Variants in AJM1 observed in about 807,000 individuals in gnomAD.
AJM1 encodes apical junction component 1 homolog.
Under a neutral mutation model 43.0 loss-of-function variants are expected in AJM1, and 22 were observed. The ratio of observed to expected loss-of-function variants is 0.51; its 90% CI spans 0.37 to 0.73. AJM1 has a LOEUF of 0.73. Among genes scored for constraint, AJM1 ranks in the 30% least tolerant of loss-of-function variants. The pLI is 0.00. For synonymous variants in AJM1, 719 were observed against 638.3 expected, an observed-to-expected ratio of 1.13 and a Z score of -1.91; for missense variants, 1,305 against 1,343.3, an observed-to-expected ratio of 0.97 and a Z score of 0.45.
At position 136,847,333 on chromosome 9, in the gene AJM1, C is replaced by A. The variant is rs1314504823; in HGVS notation, c.2919C>A (p.Asp973Glu). The A allele has an allele frequency of 5.9e-6, 9 of 1,521,498 alleles. No homozygotes were observed. Among genetic ancestry groups the A allele is most frequent in the Non-Finnish European group, 6.2e-6 (7 of 1,137,962 alleles). 94.2% of individuals were successfully genotyped at this position (1,521,498 alleles called of 1,614,324 possible). The change falls in exon 3 of 3, where the codon GAC becomes GAA. Residue 973 changes from aspartate (D) to glutamate (E), a missense_variant. Physicochemically the swap from Asp to Glu is conservative, Grantham distance 45. Coordinates refer to ENST00000436881, the MANE Select transcript of AJM1 (RefSeq NM_001080482.5). ...LDWVASANLL[D>E]DIM ...GGGTGGCCAGCGCCAACCTGCTGGA[C>A]GACATCATGTGAGGCGCCGGGCCCA...
rs759485182 is a variant in AJM1 at position 136,844,502 on chromosome 9, T to A, written c.88T>A (p.Ser30Thr). The A allele has an allele frequency of 3.1e-6, 5 of 1,609,864 alleles. No homozygotes were observed. In the South Asian group the frequency reaches 5.5e-5, roughly 18 times the overall value. Residue 30 changes from serine (S) to threonine (T), a missense_variant, in exon 3 of 3, where the codon TCG becomes ACG. By Grantham distance (58) the Ser-to-Thr change is moderately conservative. Around this residue, in one of 6 missense-constraint regions of AJM1, gnomAD observed 128 missense variants for 120.6 expected, o/e 1.06. Coordinates refer to ENST00000436881, the MANE Select transcript of AJM1 (RefSeq NM_001080482.5). Reference sequence around the variant, plus strand: ...GACCCCGGGACCCGCGTCCAAGTGCTCGCCATGTGAGCGATCCGTGGCCCG... The same window carrying A: ...GACCCCGGGACCCGCGTCCAAGTGCACGCCATGTGAGCGATCCGTGGCCCG... ...VATPGPASKC[S>T]PCERSVARPA...
chr9:136,845,005 C>G lies in AJM1; in HGVS notation c.591C>G (p.Leu197=), dbSNP rs528476091. ...ACATCAAGCCAGACGACGCAGTGCTCCAGCACGCCACCCGGGGCTCGCGGT... is the reference window on the plus strand; with the variant it reads ...ACATCAAGCCAGACGACGCAGTGCTGCAGCACGCCACCCGGGGCTCGCGGT... ...RLDIKPDDAV[L]QHATRGSRSC... Residue 197 remains leucine (L), a synonymous_variant, in exon 3 of 3, where the codon CTC becomes CTG. Transcript: ENST00000436881. 1.5e-4 allele frequency: 98 copies of G among 663,786 alleles called. No homozygotes were observed. In the African/African-American group the frequency reaches 1.7e-3, roughly 12 times the overall value. 41.1% of individuals were successfully genotyped at this position (663,786 alleles called of 1,614,324 possible). A position where few individuals can be genotyped will look rare whatever the true frequency, so the allele number is the denominator to read the frequency against.
At position 136,844,257 on chromosome 9, in the gene AJM1, C is replaced by G; in HGVS notation, c.-82C>G. On this transcript the variant is annotated 5_prime_UTR_variant, in exon 2 of 3. Transcript: ENST00000436881. ...TCTCGGCCCAGGCCCGCAGCCAGGG[C>G]TGCTCCGCCCGCTGCGCCCCAGGTA... 6.6e-6 allele frequency among the ~76,000 whole-genome samples: 1 copy of G among 152,228 alleles called. No individual in the cohort carries two copies. The highest frequency in any genetic ancestry group is 6.5e-5 in the Admixed American group (1 of 15,288).
In AJM1 at chr9:136,844,372, G is replaced by A. The variant is rs1225198073; in HGVS notation, c.-43G>A. On this transcript the variant is annotated 5_prime_UTR_variant, in exon 3 of 3. Transcript: ENST00000436881. Reference sequence around the variant, plus strand: ...TCCCCCCAGGGCAAAAGCCCCGCAAGGCAGTGTGAGCTGGAGCCGCCAGCC... The same window carrying A: ...TCCCCCCAGGGCAAAAGCCCCGCAAAGCAGTGTGAGCTGGAGCCGCCAGCC... The A allele has an allele frequency of 3.9e-6, 6 of 1,528,756 alleles. No homozygotes were observed. Among genetic ancestry groups the A allele is most frequent in the Non-Finnish European group, 5.4e-6 (6 of 1,110,414 alleles). 94.7% of individuals were successfully genotyped at this position (1,528,756 alleles called of 1,614,324 possible).
In AJM1 at chr9:136,848,046, C is replaced by A. The variant is rs893010156; in HGVS notation, c.*701C>A. ...GAGCCAGCACACTAACCACGCCACGCGCCCTGCCGTCCCTTCGCCTCCAGC... is the reference window on the plus strand; with the variant it reads ...GAGCCAGCACACTAACCACGCCACGAGCCCTGCCGTCCCTTCGCCTCCAGC... On this transcript the variant is annotated 3_prime_UTR_variant, in exon 3 of 3. Transcript: ENST00000436881. 6.6e-6 allele frequency: 1 copy of A among 152,282 alleles called. No homozygotes were observed. The highest frequency in any genetic ancestry group is 2.1e-4 in the South Asian group (1 of 4,836). 9.4% of individuals were successfully genotyped at this position (152,282 alleles called of 1,614,324 possible).
chr9:136,843,013 G>A (rs1318836495), intron 1 of AJM1, among the ~76,000 whole-genome samples: 1 of 145,680 alleles, frequency 6.9e-6, no homozygotes, highest in Non-Finnish European at 1.5e-5. Context: ...GAGATGGGGG[G>A]GTGGGCGGGG....
chr9:136,846,258 A>T lies in AJM1; in HGVS notation c.1844A>T (p.Asp615Val). The T allele has an allele frequency of 7.5e-7, 1 of 1,337,458 alleles. No individual in the cohort carries two copies. The highest frequency in any genetic ancestry group is 9.6e-7 in the Non-Finnish European group (1 of 1,037,900). 82.8% of individuals were successfully genotyped at this position (1,337,458 alleles called of 1,614,324 possible). The change falls in exon 3 of 3, where the codon GAC becomes GTC. Residue 615 changes from aspartate (D) to valine (V), a missense_variant. This residue lies in a region of AJM1 where 391 missense variants were observed against 507.5 expected (regional missense o/e 0.77). Transcript: ENST00000436881. ...GGCCCCCAACTGCGCCGACTGCTGG[A>T]CTCGCGGCCCGCGGGCTCCGGGGCC... The part of the protein sequence containing the change: ...CLGPQLRRLL[D>V]SRPAGSGAPA...
At position 136,846,808 on chromosome 9, in the gene AJM1, G is replaced by C. The variant is rs1365752697; in HGVS notation, c.2394G>C (p.Glu798Asp). The stretch of plus-strand genomic sequence containing the variant: ...CGCCCCTGGGCAGCTACGCGCGCGA[G>C]CTGGCGGCCGCTGGGCGCCTCTACG... ...HAAPLGSYARELAAAGRLYEP... is the reference protein window; with the variant it reads ...HAAPLGSYARDLAAAGRLYEP... The change falls in exon 3 of 3, where the codon GAG becomes GAC. Residue 798 changes from glutamate (E) to aspartate (D), a missense_variant. Physicochemically the swap from Glu to Asp is conservative, Grantham distance 45 (BLOSUM62 2). Around this residue, in one of 6 missense-constraint regions of AJM1, gnomAD observed 391 missense variants for 507.5 expected, o/e 0.77. Coordinates refer to ENST00000436881, the MANE Select transcript of AJM1 (RefSeq NM_001080482.5). 2 of 1,591,168 alleles carry C rather than the reference G, an allele frequency of 1.3e-6. No individual in the cohort carries two copies. Among genetic ancestry groups the C allele is most frequent in the African/African-American group, 1.3e-5 (1 of 74,096 alleles).
At position 136,844,879 on chromosome 9, in the gene AJM1, G is replaced by A. The variant is rs1452392644; in HGVS notation, c.465G>A (p.Arg155=). ...ATCCCATCAAGTTGCAGCCGCAGCG[G>A]GGCGGCCCCGGCCGCGTCGCGCCCC... ...ELHPIKLQPQ[R]GGPGRVAPLC... Residue 155 remains arginine, a synonymous_variant, in exon 3 of 3, where the codon CGG becomes CGA. Coordinates refer to ENST00000436881, the MANE Select transcript of AJM1 (RefSeq NM_001080482.5). 1 of 219,090 alleles carries A rather than the reference G, an allele frequency of 4.6e-6. No homozygotes were observed. Among genetic ancestry groups the A allele is most frequent in the South Asian group, 9.2e-5 (1 of 10,842 alleles). The allele number at this position is 219,090 out of a possible 1,614,324, so 13.6% of individuals were successfully genotyped here.
rs1848810182 is a variant in AJM1 at position 136,848,346 on chromosome 9, G to A, written c.*1001G>A. The A allele has an allele frequency of 6.6e-6, 1 of 152,354 alleles. No homozygotes were observed. The highest frequency in any genetic ancestry group is 2.4e-5 in the African/African-American group (1 of 41,472). 9.4% of individuals were successfully genotyped at this position (152,354 alleles called of 1,614,324 possible). ...CCCGAGGGGGCTTGACCTGTCCCGA[G>A]AGGTCCCCGCACACCCGCTCTGGCC... On this transcript the variant is annotated 3_prime_UTR_variant, in exon 3 of 3. Coordinates refer to ENST00000436881, the MANE Select transcript of AJM1 (RefSeq NM_001080482.5).
In AJM1 at chr9:136,845,672, C is replaced by T. The variant is rs1341346672; in HGVS notation, c.1258C>T (p.Pro420Ser). The change falls in exon 3 of 3, where the codon CCC (proline) becomes TCC (serine). Residue 420 changes from proline (P) to serine (S), a missense_variant. By Grantham distance (74) the Pro-to-Ser change is moderately conservative. This residue lies in a region of AJM1 where 653 missense variants were observed against 549.1 expected (regional missense o/e 1.19). Transcript: ENST00000436881. ...RTLQVVPPSDPDPLLASWHGG... is the reference protein window; with the variant it reads ...RTLQVVPPSDSDPLLASWHGG... ...CCTGCAAGTGGTGCCGCCCTCTGAC[C>T]CCGACCCGTTGCTCGCCTCCTGGCA... is the stretch of plus-strand genomic sequence containing the variant. 6.3e-7 allele frequency: 1 copy of T among 1,576,340 alleles called. No individual in the cohort carries two copies. Among genetic ancestry groups the T allele is most frequent in the African/African-American group, 1.3e-5 (1 of 74,430 alleles).
At position 136,847,063 on chromosome 9, in the gene AJM1, C is replaced by T; in HGVS notation, c.2649C>T (p.Gly883=). 7.1e-6 allele frequency: 10 copies of T among 1,417,470 alleles called. No individual in the cohort carries two copies. The highest frequency in any genetic ancestry group is 9.4e-6 in the Non-Finnish European group (10 of 1,058,756). 87.8% of individuals were successfully genotyped at this position (1,417,470 alleles called of 1,614,324 possible). A position where few individuals can be genotyped will look rare whatever the true frequency, so the allele number is the denominator to read the frequency against. The change falls in exon 3 of 3, where the codon GGC becomes GGT. Residue 883 remains glycine, a synonymous_variant. Coordinates refer to ENST00000436881, the MANE Select transcript of AJM1 (RefSeq NM_001080482.5). ...LILTPPPGTA[G]LDQDGEAGRR... is the part of the protein sequence containing the mutation. The stretch of plus-strand genomic sequence containing the variant: ...TGACGCCACCGCCGGGCACGGCGGG[C>T]CTGGATCAGGACGGCGAGGCGGGCC...
In AJM1 at chr9:136,844,634, G is replaced by C. The variant is rs1848741661; in HGVS notation, c.220G>C (p.Glu74Gln). ...METLPEPPPP[E>Q]SAVPRARTRE... The stretch of plus-strand genomic sequence containing the variant: ...GACCCTGCCGGAGCCACCGCCGCCG[G>C]AGTCCGCTGTGCCGCGCGCCCGGAC... Residue 74 changes from glutamate (E) to glutamine (Q), a missense_variant, in exon 3 of 3, where the codon GAG becomes CAG. Glu to Gln is a conservative substitution (Grantham distance 29). Around this residue, in one of 6 missense-constraint regions of AJM1, gnomAD observed 128 missense variants for 120.6 expected, o/e 1.06. Coordinates refer to ENST00000436881, the MANE Select transcript of AJM1 (RefSeq NM_001080482.5). 2 of 1,537,132 alleles carry C rather than the reference G, an allele frequency of 1.3e-6. No individual in the cohort carries two copies. Among genetic ancestry groups the C allele is most frequent in the South Asian group, 2.4e-5 (2 of 83,568 alleles).
rs1213687587 is a variant in AJM1, at chr9:136,847,218, C to G, written c.2804C>G (p.Thr935Arg). Reference sequence around the variant, plus strand: ...TTCGTCGAGGCCAACAGGCGCTTCACGCCCACCACCATCTACCCCACGGAC... The same window carrying G: ...TTCGTCGAGGCCAACAGGCGCTTCAGGCCCACCACCATCTACCCCACGGAC... ...CEFVEANRRFTPTTIYPTDRR... is the reference protein window; with the variant it reads ...CEFVEANRRFRPTTIYPTDRR... Residue 935 changes from threonine (T) to arginine (R), a missense_variant, in exon 3 of 3, where the codon ACG becomes AGG. Physicochemically the swap from Thr to Arg is moderately conservative, Grantham distance 71 (BLOSUM62 -1). This residue lies in a region of AJM1 where 116 missense variants were observed against 113.4 expected (regional missense o/e 1.02). Coordinates refer to ENST00000436881, the MANE Select transcript of AJM1 (RefSeq NM_001080482.5). The G allele has an allele frequency of 1.2e-6, 2 of 1,605,724 alleles. No individual in the cohort carries two copies. Among genetic ancestry groups the G allele is most frequent in the Non-Finnish European group, 1.7e-6 (2 of 1,178,842 alleles).
intron 1 of AJM1, among the ~76,000 whole-genome samples, 57 bp from the exon 2 acceptor site, chr9:136,844,139 G>C (rs1359998327): frequency 6.6e-6 from 1 of 152,240 alleles, no homozygotes; most frequent in Non-Finnish European, 1.5e-5. Context: ...CCCATCGCAG[G>C]GAGAGGACGG....
rs747136344 is a variant in AJM1 at position 136,845,912 on chromosome 9, C to T, written c.1498C>T (p.Pro500Ser). 6 of 1,558,080 alleles carry T rather than the reference C, an allele frequency of 3.9e-6. No homozygotes were observed. The highest frequency in any genetic ancestry group is 5.2e-6 in the Non-Finnish European group (6 of 1,152,452). Residue 500 changes from proline to serine, a missense_variant, in exon 3 of 3, where the codon CCC (proline) becomes TCC (serine). This residue lies in a region of AJM1 where 653 missense variants were observed against 549.1 expected (regional missense o/e 1.19). Transcript: ENST00000436881. ...CGTCGTCGTGAACCTGTCCACCTCT[C>T]CCAGACGCTACGCCGCACTGTCCCT... ...PPVVVNLSTS[P>S]RRYAALSLSE... is the part of the protein sequence containing the mutation.
In AJM1 at chr9:136,847,079, G is replaced by A; in HGVS notation, c.2665G>A (p.Glu889Lys). ...PGTAGLDQDG[E>K]AGRRAREVAF... ...CACGGCGGGCCTGGATCAGGACGGC[G>A]AGGCGGGCCGGCGCGCGCGCGAGGT... The change falls in exon 3 of 3, where the codon GAG (glutamate) becomes AAG (lysine). Residue 889 changes from glutamate to lysine, a missense_variant. Around this residue, in one of 6 missense-constraint regions of AJM1, gnomAD observed 391 missense variants for 507.5 expected, o/e 0.77. Coordinates refer to ENST00000436881, the MANE Select transcript of AJM1 (RefSeq NM_001080482.5). 1 of 1,468,840 alleles carries A rather than the reference G, an allele frequency of 6.8e-7. No homozygotes were observed. The highest frequency in any genetic ancestry group is 1.2e-5 in the South Asian group (1 of 80,248). 91.0% of individuals were successfully genotyped at this position (1,468,840 alleles called of 1,614,324 possible). A position where few individuals can be genotyped will look rare whatever the true frequency, so the allele number is the denominator to read the frequency against.
Position 136,848,551 on chromosome 9 carries a change from G to A in AJM1, c.*1206G>A, listed in dbSNP as rs1848812954. Reference sequence around the variant, plus strand: ...GCCCTACTTCGGAGCCAGGGGAGGGGGCACCAAGTGAGAGAAATTGGGCAC... The same window carrying A: ...GCCCTACTTCGGAGCCAGGGGAGGGAGCACCAAGTGAGAGAAATTGGGCAC... On this transcript the variant is annotated 3_prime_UTR_variant, in exon 3 of 3. Transcript: ENST00000436881. 6.6e-6 allele frequency: 1 copy of A among 152,338 alleles called. No individual in the cohort carries two copies. The allele number at this position is 152,338 out of a possible 1,614,324, so 9.4% of individuals were successfully genotyped here. A position where few individuals can be genotyped will look rare whatever the true frequency, so the allele number is the denominator to read the frequency against.
At position 136,845,105 on chromosome 9, in the gene AJM1, C is replaced by G; in HGVS notation, c.691C>G (p.Arg231Gly). 3 of 1,454,014 alleles carry G rather than the reference C, an allele frequency of 2.1e-6. No homozygotes were observed. The highest frequency in any genetic ancestry group is 2.8e-6 in the Non-Finnish European group (3 of 1,056,136). 90.1% of individuals were successfully genotyped at this position (1,454,014 alleles called of 1,614,324 possible). A position where few individuals can be genotyped will look rare whatever the true frequency, so the allele number is the denominator to read the frequency against. ...QFHGLTVPGP[R>G]HMALSRTPTP... ...CCACGGCCTCACGGTGCCCGGGCCC[C>G]GCCACATGGCGCTGTCGCGCACCCC... Residue 231 changes from arginine (R) to glycine (G), a missense_variant, in exon 3 of 3, where the codon CGC becomes GGC. Coordinates refer to ENST00000436881, the MANE Select transcript of AJM1 (RefSeq NM_001080482.5).
Sources: allele counts gnomAD v4.1 joint callset (sites outside exome capture counted in the v4.1 genomes callset), GRCh38; gene constraint gnomAD v4.1.1; regional missense constraint gnomAD v4.1.1; transcripts MANE v1.5; gene names NCBI Gene and HGNC (gene_info 2026-07-23, HGNC 2026-07-21).